ZNF143: variants seen among roughly 807,000 people sequenced by gnomAD.
ZNF143 encodes the protein SPH-binding factor.
Under a neutral mutation model 74.1 loss-of-function variants are expected in ZNF143, and 49 were observed. The observed-to-expected ratio is 0.66, with a 90% CI of 0.53 to 0.84. The LOEUF (loss-of-function observed/expected upper bound fraction) is 0.84, where lower values mean the gene tolerates loss of function less well. Among genes scored for constraint, ZNF143 ranks in the 40% least tolerant of loss-of-function variants. ZNF143 has a pLI of 0.00. For missense variants in ZNF143, 637 were observed against 793.4 expected, an observed-to-expected ratio of 0.80 and a Z score of 2.37; for synonymous variants, 304 against 282.8, an observed-to-expected ratio of 1.07 and a Z score of -0.75.
At chr11:9,491,252 A>G (rs888861287) in intron 7 of ZNF143, among the ~76,000 whole-genome samples, 1 of 147,934 alleles carries the variant, frequency 6.8e-6, no homozygotes, top group Non-Finnish European at 1.5e-5. Context: ...TACATTTTAC[A>G]TACTTTTTTT....
intron 11 of ZNF143, 27 bp downstream of exon 11, chr11:9,501,297 T>C (rs1565052000): frequency 6.2e-7 from 1 of 1,607,690 alleles, no homozygotes; most frequent in African/African-American, 1.3e-5. Context: ...TTTTGGTCTT[T>C]TATCTTTCAA....
rs142601750 is a variant in ZNF143 at position 9,472,698 on chromosome 11, T to C, written c.134T>C (p.Met45Thr). 666 of 1,610,292 alleles carry C rather than the reference T, an allele frequency of 4.1e-4. No individual in the cohort carries two copies. The highest frequency in any genetic ancestry group is 5.5e-4 in the Non-Finnish European group (646 of 1,178,994). The change falls in exon 3 of 16, where the codon ATG (methionine) becomes ACG (threonine). Residue 45 changes from methionine to threonine, a missense_variant. By Grantham distance (81) the Met-to-Thr change is moderately conservative (BLOSUM62 -1). Coordinates refer to ENST00000396602, the MANE Select transcript of ZNF143 (RefSeq NM_003442.6). ...TVADGDNLENMEGVSLQAVTL... is the reference protein window; with the variant it reads ...TVADGDNLENTEGVSLQAVTL... ...ATAGATGGTGACAACTTAGAAAATA[T>C]GGAAGGCGTAAGCTTGCAAGCAGTA...
chr11:9,518,165 C>G (rs1325488499), intron 14 of ZNF143, among the ~76,000 whole-genome samples: 1 of 152,156 alleles, frequency 6.6e-6, no homozygotes, highest in Non-Finnish European at 1.5e-5. Context: ...TCAAAAAGTG[C>G]ACATCTTTTA....
chr11:9,492,257 C>T (rs1565044379), intron 7 of ZNF143, among the ~76,000 whole-genome samples: 1 of 152,080 alleles, frequency 6.6e-6, no homozygotes, highest in Non-Finnish European at 1.5e-5. Context: ...ATCACAAGCA[C>T]ATGCCACAGC....
At chr11:9,471,532 C>T (rs1856566708) in intron 2 of ZNF143, 112 bp downstream of exon 2, 2 of 678,270 alleles carry the variant, frequency 2.9e-6, no homozygotes, top group South Asian at 2.8e-5. Context: ...AAACCTAGGT[C>T]TTTTTATGAG....
At chr11:9,486,371 A>ATATATAATATATATAATATATT (rs1477531952) in intron 7 of ZNF143, among the ~76,000 whole-genome samples, 7 of 36,718 alleles carry the variant, frequency 1.9e-4, no homozygotes, top group Admixed American at 8.9e-4. Context: ...TATTATATAT[A>ATATATAATATATATAATATATT]ATATATTATA....
chr11:9,474,100 T>C (rs1856743749), intron 4 of ZNF143, 76 bp downstream of exon 4: 1 of 1,162,336 alleles, frequency 8.6e-7, no homozygotes, highest in African/African-American at 1.5e-5. Context: ...CAGCTCCCTC[T>C]TACTACCTAA....
At chr11:9,505,540 T>C (rs1281011043) in intron 11 of ZNF143, among the ~76,000 whole-genome samples, 5 of 152,084 alleles carry the variant, frequency 3.3e-5, no homozygotes, top group African/African-American at 7.2e-5. Context: ...TATGCAATTT[T>C]TGTGTGCTAT....
chr11:9,477,353 C>G (rs1856994150), intron 5 of ZNF143, among the ~76,000 whole-genome samples: 2 of 151,988 alleles, frequency 1.3e-5, no homozygotes, highest in South Asian at 4.1e-4. Context: ...ATCCTGGGTT[C>G]AAGCGATTCT....
chr11:9,483,707 G>A lies in ZNF143; in HGVS notation c.645+4161G>A, dbSNP rs896426956. Among the ~76,000 whole-genome samples, 25 of 149,662 alleles carry A rather than the reference G, an allele frequency of 1.7e-4. 1 individual carries two copies. Among genetic ancestry groups the A allele is most frequent in the African/African-American group, 6.0e-4 (24 of 40,024 alleles). Reference sequence around the variant, plus strand: ...TATCCTCCTGCCTTGACATTCCAAAGTCCTGGGATTATAGGTGTGAACCAA... The same window carrying A: ...TATCCTCCTGCCTTGACATTCCAAAATCCTGGGATTATAGGTGTGAACCAA... On this transcript the variant is annotated intron_variant, in intron 7 of 15. Transcript: ENST00000396602.
rs542535819 is a variant in ZNF143 at position 9,482,715 on chromosome 11, C to T, written c.645+3169C>T. On this transcript the variant is annotated intron_variant, in intron 7 of 15. Coordinates refer to ENST00000396602, the MANE Select transcript of ZNF143 (RefSeq NM_003442.6). ...CTTTGCCTTTTGTACCTCTTCCTTA[C>T]AGACTAGATCTGCAATGTCCAATAC... Among the ~76,000 whole-genome samples, 4 of 149,486 alleles carry T rather than the reference C, an allele frequency of 2.7e-5. No individual in the cohort carries two copies. In the South Asian group the frequency reaches 8.4e-4, roughly 31 times the overall value.
chr11:9,494,883 C>A, intron 8 of ZNF143, 118 bp downstream of exon 8: 2 of 1,008,570 alleles, frequency 2.0e-6, no homozygotes, highest in Non-Finnish European at 2.9e-6. Context: ...AAGATACTGG[C>A]ACTTGGTCAC....
At chr11:9,500,578 C>T (rs543519651) in intron 10 of ZNF143, among the ~76,000 whole-genome samples, 6 of 151,812 alleles carry the variant, frequency 4.0e-5, no homozygotes, top group African/African-American at 9.7e-5. Flanking sequence ...GGATTACAGG[C>T]GCCCGGCACC....
At chr11:9,516,649 T>C (rs536959732) in intron 14 of ZNF143, among the ~76,000 whole-genome samples, 22 of 152,314 alleles carry the variant, frequency 1.4e-4, no homozygotes, top group Admixed American at 1.3e-3. Context: ...ATTCCTATTA[T>C]CATCATTATC....
chr11:9,518,924 A>G (rs1848817575), intron 14 of ZNF143, among the ~76,000 whole-genome samples: 1 of 152,234 alleles, frequency 6.6e-6, no homozygotes, highest in Non-Finnish European at 1.5e-5. Flanking sequence ...TTAACAAGCA[A>G]AAGTTAAATT....
chr11:9,478,719 C>T (rs192710209), intron 6 of ZNF143, 133 bp downstream of exon 6: 111 of 974,078 alleles, frequency 1.1e-4, no homozygotes, highest in African/African-American at 1.8e-4. Flanking sequence ...CGTGATGGCT[C>T]ACGCCTATAA....
At chr11:9,489,965 G>A (rs1847707420) in intron 7 of ZNF143, among the ~76,000 whole-genome samples, 1 of 152,126 alleles carries the variant, frequency 6.6e-6, no homozygotes. Context: ...AGGATTGCTT[G>A]AGGCCAGGAA....
intron 5 of ZNF143, among the ~76,000 whole-genome samples, chr11:9,476,936 T>A (rs1042690387): frequency 2.5e-4 from 38 of 149,878 alleles, no homozygotes; most frequent in African/African-American, 8.3e-4. Flanking sequence ...ATTTTTTGTA[T>A]TTTTTTTAGT....
chr11:9,492,510 G>A (rs945964552), intron 7 of ZNF143, among the ~76,000 whole-genome samples: 31 of 152,044 alleles, frequency 2.0e-4, no homozygotes, highest in African/African-American at 6.8e-4. Context: ...GCCTCCCAAA[G>A]TGCTGAGATT....
Sources: allele counts gnomAD v4.1 joint callset (sites outside exome capture counted in the v4.1 genomes callset), GRCh38; gene constraint gnomAD v4.1.1; transcripts MANE v1.5; gene names NCBI Gene and HGNC (gene_info 2026-07-23, HGNC 2026-07-21).